The following NRXN1 variants were observed in gnomAD, a reference collection of about 807,000 sequenced individuals.
NRXN1 encodes neurexin 1, also known as neurexin-1.
Under a neutral mutation model 150.9 loss-of-function variants are expected in NRXN1, and 39 were observed. The ratio of observed to expected loss-of-function variants is 0.26; its 90% CI spans 0.20 to 0.34. The LOEUF is 0.34. Ranked by LOEUF, NRXN1 falls within the 10% of genes least tolerant of loss-of-function variation. The probability of loss-of-function intolerance (pLI) is 1.00; values close to 1 mark genes in which losing one functional copy is unlikely to be tolerated. For missense variants in NRXN1, 1,815 were observed against 1,949.9 expected, an observed-to-expected ratio of 0.93 and a Z score of 1.30; for synonymous variants, 924 against 757.0, an observed-to-expected ratio of 1.22 and a Z score of -3.62.
At chr2:50,865,667 T>G (rs903601582) in intron 5 of NRXN1, among the ~76,000 whole-genome samples, 175 of 131,652 alleles carry the variant, frequency 1.3e-3, no homozygotes, top group African/African-American at 4.6e-3. Flanking sequence ...AGTTTTTTTT[T>G]TTTTTTTTTT....
intron 18 of NRXN1, among the ~76,000 whole-genome samples, chr2:50,114,194 A>C (rs1702733354): frequency 6.6e-6 from 1 of 152,228 alleles, no homozygotes; most frequent in African/African-American, 2.4e-5. Context: ...TAGATTTAAA[A>C]ATGGGCAAAA....
At chr2:50,699,957 C>G (rs777732957) in intron 5 of NRXN1, among the ~76,000 whole-genome samples, 1 of 152,178 alleles carries the variant, frequency 6.6e-6, no homozygotes, top group Non-Finnish European at 1.5e-5. Context: ...GTACTGCACT[C>G]TGTCCACTCA....
chr2:51,018,045 C>A (rs942451378), intron 2 of NRXN1, among the ~76,000 whole-genome samples: 1 of 152,052 alleles, frequency 6.6e-6, no homozygotes, highest in Non-Finnish European at 1.5e-5. Context: ...CTGAATCTAG[C>A]AATGTCTGAG....
intron 21 of NRXN1, among the ~76,000 whole-genome samples, chr2:50,035,792 C>G (rs1406954233): frequency 6.6e-6 from 1 of 152,094 alleles, no homozygotes; most frequent in Non-Finnish European, 1.5e-5. Context: ...ACTTGTGGAA[C>G]TCCTCCATGG....
chr2:50,513,746 C>G (rs1377014839), intron 12 of NRXN1, among the ~76,000 whole-genome samples: 1 of 151,908 alleles, frequency 6.6e-6, no homozygotes, highest in South Asian at 2.1e-4. Context: ...GCAAAGACCT[C>G]TAAGAGACAA....
At chr2:50,199,515 C>G (rs973117432) in intron 18 of NRXN1, among the ~76,000 whole-genome samples, 3 of 143,834 alleles carry the variant, frequency 2.1e-5, no homozygotes, top group Admixed American at 7.4e-5. Flanking sequence ...CGCTCTCTCT[C>G]TTACTCATTC....
intron 5 of NRXN1, among the ~76,000 whole-genome samples, chr2:50,666,712 T>TA (rs1254387848): frequency 6.6e-6 from 1 of 151,830 alleles, no homozygotes; most frequent in South Asian, 2.1e-4. Context: ...ATTATGCAGG[T>TA]AAAAAAATAG....
intron 18 of NRXN1, among the ~76,000 whole-genome samples, chr2:50,235,196 C>T (rs970556014): frequency 1.1e-4 from 17 of 151,930 alleles, no homozygotes; most frequent in African/African-American, 2.7e-4. Context: ...TAAATCAGAA[C>T]GGAGCAAATA....
chr2:50,846,752 G>A (rs1673715005), intron 5 of NRXN1, among the ~76,000 whole-genome samples: 1 of 152,148 alleles, frequency 6.6e-6, no homozygotes, highest in Non-Finnish European at 1.5e-5. Context: ...CTCTCTAGGA[G>A]AGGAAAAATA....
At chr2:50,325,641 G>A (rs763271034) in intron 17 of NRXN1, among the ~76,000 whole-genome samples, 76 of 152,214 alleles carry the variant, frequency 5.0e-4, no homozygotes, top group Non-Finnish European at 8.8e-4. Flanking sequence ...TAATAGCAAT[G>A]TACCTATCTA....
At chr2:50,132,306 CTTTTT>C (rs71401059) in intron 18 of NRXN1, among the ~76,000 whole-genome samples, 3 of 139,360 alleles carry the variant, frequency 2.2e-5, no homozygotes, top group African/African-American at 8.0e-5. Flanking sequence ...TCCCAAAACT[CTTTTT>C]TTTTTTTTTT....
intron 8 of NRXN1, among the ~76,000 whole-genome samples, chr2:50,555,556 C>T (rs555361306): frequency 7.2e-5 from 11 of 152,258 alleles, no homozygotes; most frequent in Admixed American, 6.5e-4. Context: ...ATATGCTTTA[C>T]ACTGGCAAGA....
intron 5 of NRXN1, among the ~76,000 whole-genome samples, chr2:50,819,552 T>A (rs1009214560): frequency 6.6e-6 from 1 of 151,982 alleles, no homozygotes; most frequent in Non-Finnish European, 1.5e-5. Flanking sequence ...GAGTTGCTGT[T>A]CAATGGGTAG....
At chr2:50,783,257 T>G (rs191133058) in intron 5 of NRXN1, among the ~76,000 whole-genome samples, 1 of 152,138 alleles carries the variant, frequency 6.6e-6, no homozygotes, top group East Asian at 1.9e-4. Flanking sequence ...CGCAATCTAC[T>G]GAAATAATTC....
At chr2:50,815,066 C>CT (rs370316313) in intron 5 of NRXN1, among the ~76,000 whole-genome samples, 153 of 149,586 alleles carry the variant, frequency 1.0e-3, no homozygotes, top group South Asian at 1.9e-3. Context: ...CTGACATACT[C>CT]TTTTTTTTTT....
chr2:49,975,751 T>C (rs2152501248), intron 21 of NRXN1, among the ~76,000 whole-genome samples: 1 of 152,282 alleles, frequency 6.6e-6, no homozygotes, highest in East Asian at 1.9e-4. Context: ...ACACTAAACC[T>C]ATTCATTAGA....
chr2:49,977,723 G>C (rs1679234557), intron 21 of NRXN1, among the ~76,000 whole-genome samples: 1 of 151,916 alleles, frequency 6.6e-6, no homozygotes, highest in African/African-American at 2.4e-5. Flanking sequence ...AAGAGATTAG[G>C]GTCAATTTGT....
At chr2:50,302,812 A>G (rs762871082) in intron 17 of NRXN1, among the ~76,000 whole-genome samples, 1 of 152,138 alleles carries the variant, frequency 6.6e-6, no homozygotes, top group Non-Finnish European at 1.5e-5. Context: ...TTTTAATTGA[A>G]TTTTAAAGGA....
intron 19 of NRXN1, among the ~76,000 whole-genome samples, chr2:50,061,970 T>G (rs764967318): frequency 3.3e-5 from 5 of 152,030 alleles, no homozygotes; most frequent in Admixed American, 1.3e-4. Flanking sequence ...CCCCAATCCC[T>G]GTAGTAATGC....
Sources: gnomAD v4.1 joint callset for allele counts (sites outside exome capture counted in the v4.1 genomes callset) on GRCh38, gnomAD v4.1.1 for gene constraint, MANE v1.5 for transcripts, NCBI Gene and HGNC (gene_info 2026-07-23, HGNC 2026-07-21) for gene names.